Variants in TENM2 observed in about 807,000 individuals in gnomAD.
The protein encoded by TENM2 is teneurin transmembrane protein 2, also known as teneurin-2.
In TENM2, 52 loss-of-function variants were observed where a neutral mutation model predicts 245.2. The observed-to-expected ratio is 0.21, with a 90% CI of 0.17 to 0.27. TENM2 has a LOEUF of 0.27. Among genes scored for constraint, TENM2 ranks in the 10% least tolerant of loss-of-function variants. The pLI is 1.00. For synonymous variants in TENM2, 1,363 were observed against 1,438.9 expected (o/e 0.95, Z 1.19); for missense variants, 3,046 against 3,666.8 (o/e 0.83, Z 4.37).
intron 4 of TENM2, among the ~76,000 whole-genome samples, chr5:167,957,858 T>C (rs1312027774): frequency 6.6e-6 from 1 of 152,236 alleles, no homozygotes; most frequent in Admixed American, 6.5e-5. Flanking sequence ...ATGATTTCCA[T>C]TCTTTTGCAT....
chr5:167,463,449 C>T (rs1212900763), intron 2 of TENM2, among the ~76,000 whole-genome samples: 1 of 152,078 alleles, frequency 6.6e-6, no homozygotes, highest in African/African-American at 2.4e-5. Flanking sequence ...TATGTCTTTT[C>T]AGCAATTATG....
At chr5:168,133,333 T>C (rs1457823979) in intron 12 of TENM2, among the ~76,000 whole-genome samples, 2 of 152,172 alleles carry the variant, frequency 1.3e-5, no homozygotes, top group Non-Finnish European at 2.9e-5. Context: ...AGAAAAATAT[T>C]AAGTAAATAG....
intron 2 of TENM2, among the ~76,000 whole-genome samples, chr5:167,429,476 G>A (rs537472484): frequency 6.6e-6 from 1 of 152,244 alleles, no homozygotes; most frequent in East Asian, 1.9e-4. Context: ...TTGGAAGTAG[G>A]GGGAGCCTGA....
intron 1 of TENM2, among the ~76,000 whole-genome samples, chr5:167,353,500 G>T (rs796358725): frequency 0.045 from 3,559 of 79,348 alleles, 210 homozygotes; most frequent in Middle Eastern, 0.12. Context: ...TGTTGTTGTT[G>T]TTTTTTTTTT....
At chr5:167,447,048 G>A (rs768705555) in intron 2 of TENM2, among the ~76,000 whole-genome samples, 20 of 152,282 alleles carry the variant, frequency 1.3e-4, no homozygotes, top group South Asian at 4.1e-4. Flanking sequence ...TTTGGAATTG[G>A]AAGCATTTCA....
At chr5:167,868,595 G>C (rs1772537270) in intron 2 of TENM2, among the ~76,000 whole-genome samples, 1 of 151,828 alleles carries the variant, frequency 6.6e-6, no homozygotes, top group Admixed American at 6.6e-5. Flanking sequence ...ATATTAGCCT[G>C]GCGTGATGGT....
At chr5:167,056,423 G>A in the TENM2 span, among the ~76,000 whole-genome samples, 2 of 146,610 alleles carry the variant, frequency 1.4e-5, no homozygotes, top group Admixed American at 1.4e-4. Context: ...GGCAAAGTTG[G>A]ATGTAAATCT....
chr5:167,562,958 A>C (rs1481923812), intron 2 of TENM2, among the ~76,000 whole-genome samples: 1 of 119,862 alleles, frequency 8.3e-6, no homozygotes, highest in African/African-American at 4.1e-5. Flanking sequence ...ATTCTGTCTC[A>C]AAAAAAAAAA....
intron 2 of TENM2, among the ~76,000 whole-genome samples, chr5:167,731,565 A>ATT (rs112353111): frequency 0.014 from 2,051 of 149,026 alleles, 37 homozygotes; most frequent in African/African-American, 0.048. Flanking sequence ...TAACAAAAGC[A>ATT]TTTTTTTTTT....
At chr5:167,449,551 GATAGATAGATAGATAGATAA>G (rs1387441345) in intron 2 of TENM2, among the ~76,000 whole-genome samples, 9 of 149,860 alleles carry the variant, frequency 6.0e-5, no homozygotes, top group South Asian at 4.2e-4. Flanking sequence ...TAGATAGATA[GATAGATAGATAGATAGATAA>G]AGACAGTTTT....
intron 2 of TENM2, among the ~76,000 whole-genome samples, chr5:167,451,992 C>T (rs1205400459): frequency 6.6e-6 from 1 of 152,008 alleles, no homozygotes; most frequent in Non-Finnish European, 1.5e-5. Flanking sequence ...AAAGTTTCCT[C>T]AAAATTGGGG....
chr5:168,250,103 A>G (rs1766969137), intron 27 of TENM2, among the ~76,000 whole-genome samples: 5 of 134,270 alleles, frequency 3.7e-5, no homozygotes, highest in Admixed American at 3.7e-4. Flanking sequence ...TGGCTGGATG[A>G]GTGGATGGAT....
intron 10 of TENM2, among the ~76,000 whole-genome samples, chr5:168,123,011 C>T (rs1044313156): frequency 6.6e-6 from 1 of 151,944 alleles, no homozygotes; most frequent in Non-Finnish European, 1.5e-5. Flanking sequence ...TAAAATACAC[C>T]AATGGCTGGG....
chr5:168,008,109 GAAAC>G (rs1176556808), intron 5 of TENM2, among the ~76,000 whole-genome samples: 10 of 152,294 alleles, frequency 6.6e-5, no homozygotes, highest in African/African-American at 2.2e-4. Flanking sequence ...AGAGAAGGGA[GAAAC>G]TCCCAAGGGC....
the TENM2 span, among the ~76,000 whole-genome samples, chr5:167,181,435 C>G: frequency 7.5e-6 from 1 of 132,566 alleles, no homozygotes; most frequent in African/African-American, 3.3e-5. Context: ...TCTCAGTTCT[C>G]TGTTTTTTTT....
intron 13 of TENM2, among the ~76,000 whole-genome samples, chr5:168,177,480 C>A (rs1759460233): frequency 6.6e-6 from 1 of 152,168 alleles, no homozygotes; most frequent in South Asian, 2.1e-4. Context: ...GCCTCTAGAT[C>A]CCGTGATCAT....
At chr5:168,236,449 C>T (rs1765429388) in intron 25 of TENM2, among the ~76,000 whole-genome samples, 1 of 152,098 alleles carries the variant, frequency 6.6e-6, no homozygotes, top group South Asian at 2.1e-4. Flanking sequence ...GCTGACCCTC[C>T]CCACCTGGAA....
At chr5:168,139,464 A>T (rs761620845) in intron 12 of TENM2, 1 of 456,426 alleles carries the variant, frequency 2.2e-6, no homozygotes, top group Admixed American at 2.3e-5. Context: ...AAGTAGGAAA[A>T]CTTTGAGCTT....
the TENM2 span, among the ~76,000 whole-genome samples, chr5:167,201,211 C>T: frequency 6.6e-6 from 1 of 152,088 alleles, no homozygotes; most frequent in Non-Finnish European, 1.5e-5. Context: ...AATACTTCTA[C>T]GTAGCCGACA....
Sources: allele counts gnomAD v4.1 joint callset (sites outside exome capture counted in the v4.1 genomes callset), GRCh38; gene constraint gnomAD v4.1.1; transcripts MANE v1.5; gene names NCBI Gene and HGNC (gene_info 2026-07-23, HGNC 2026-07-21).